GNPDA1: variants seen among roughly 807,000 people sequenced by gnomAD.
The protein encoded by GNPDA1 is GNPDA 1.
Under a neutral mutation model 28.5 loss-of-function variants are expected in GNPDA1, and 24 were observed. The observed-to-expected ratio is 0.84, with a 90% CI of 0.61 to 1.19. The LOEUF is 1.19. GNPDA1 is among the 50% of genes most tolerant of loss of function. The probability of loss-of-function intolerance (pLI) is 0.00; values close to 1 mark genes in which losing one functional copy is unlikely to be tolerated. For synonymous variants in GNPDA1, 147 were observed against 139.3 expected, an observed-to-expected ratio of 1.06 and a Z score of -0.39; for missense variants, 264 against 367.3, an observed-to-expected ratio of 0.72 and a Z score of 2.30.
intron 2 of GNPDA1, among the ~76,000 whole-genome samples, chr5:142,009,657 T>G (rs1005763735): frequency 6.6e-6 from 1 of 152,112 alleles, no homozygotes; most frequent in Non-Finnish European, 1.5e-5. Flanking sequence ...GCCTTAGCTA[T>G]GCCTGAGCCA....
chr5:142,011,030 C>G (rs1755939804), intron 2 of GNPDA1, among the ~76,000 whole-genome samples: 1 of 151,210 alleles, frequency 6.6e-6, no homozygotes, highest in South Asian at 2.1e-4. Context: ...TCACTGCAGC[C>G]TCAATCTACT....
At chr5:142,010,514 T>TCTTTCTTTCTTTC (rs58045980) in intron 2 of GNPDA1, among the ~76,000 whole-genome samples, 3 of 145,930 alleles carry the variant, frequency 2.1e-5, no homozygotes, top group African/African-American at 2.5e-5. Flanking sequence ...TTTCTTTCTT[T>TCTTTCTTTCTTTC]TTTTTTTTTT....
rs1418692581 is a variant in GNPDA1 at position 142,001,126 on chromosome 5, T to C, written c.*903A>G. ...CTAGGTAAGCAGGAGAGCGGGACAC[T>C]CAGGAGTTGTGACTAAACTCACACT... is the stretch of plus-strand genomic sequence containing the variant. On this transcript the variant is annotated 3_prime_UTR_variant, in exon 7 of 7. Transcript: ENST00000311337. 6.6e-6 allele frequency: 1 copy of C among 152,334 alleles called. No homozygotes were observed. Among genetic ancestry groups the C allele is most frequent in the Non-Finnish European group, 1.5e-5 (1 of 68,046 alleles). 9.4% of individuals were successfully genotyped at this position (152,334 alleles called of 1,614,324 possible). A position where few individuals can be genotyped will look rare whatever the true frequency, so the allele number is the denominator to read the frequency against.
chr5:142,009,274 C>A (rs1191916285), intron 2 of GNPDA1, among the ~76,000 whole-genome samples: 1 of 152,024 alleles, frequency 6.6e-6, no homozygotes, highest in Non-Finnish European at 1.5e-5. Context: ...CCAATAGCTT[C>A]TCATTTCACC....
chr5:142,004,871 A>T, intron 5 of GNPDA1, 61 bp downstream of exon 5: 1 of 1,157,776 alleles, frequency 8.6e-7, no homozygotes, highest in Non-Finnish European at 1.2e-6. Flanking sequence ...CAGTATAGTT[A>T]AGATTAACAA....
At chr5:142,011,287 CA>C in intron 2 of GNPDA1, among the ~76,000 whole-genome samples, 4 of 149,844 alleles carry the variant, frequency 2.7e-5, no homozygotes, top group Admixed American at 1.3e-4. Context: ...CTCCAACACA[CA>C]CACACACACA....
intron 2 of GNPDA1, 191 bp downstream of exon 2, chr5:142,011,721 A>T (rs1433514076): frequency 7.5e-6 from 4 of 530,806 alleles, no homozygotes; most frequent in African/African-American, 1.9e-5. Context: ...CTGCAGGGAC[A>T]GGCAGCGACT....
At chr5:142,007,100 T>G (rs1028684250) in intron 3 of GNPDA1, among the ~76,000 whole-genome samples, 3 of 152,166 alleles carry the variant, frequency 2.0e-5, no homozygotes, top group African/African-American at 7.2e-5. Flanking sequence ...AAGTTGTTGT[T>G]TCACGGGTAT....
intron 6 of GNPDA1, among the ~76,000 whole-genome samples, 162 bp from the exon 7 acceptor site, chr5:142,002,291 G>A (rs888900341): frequency 3.2e-4 from 48 of 152,130 alleles, no homozygotes; most frequent in African/African-American, 1.1e-3. Flanking sequence ...AGTATAAAAA[G>A]AGTTATTCAC....
Position 142,007,829 on chromosome 5 carries a change from C to T in GNPDA1, c.196G>A (p.Val66Met), listed in dbSNP as rs1755845515. 6.2e-7 allele frequency: 1 copy of T among 1,609,628 alleles called. No individual in the cohort carries two copies. Among genetic ancestry groups the T allele is most frequent in the Admixed American group, 1.7e-5 (1 of 60,000 alleles). The stretch of plus-strand genomic sequence containing the variant: ...TACTCATCCATGTTGAAGGTCTTCA[C>T]ATATTTAAAGGACAGGTCCCCATTC... ...YKNGDLSFKY[V>M]KTFNMDEYVG... Residue 66 changes from valine (V) to methionine (M), a missense_variant, in exon 3 of 7, where the codon GTG (valine) becomes ATG (methionine). Coordinates refer to ENST00000311337, the MANE Select transcript of GNPDA1 (RefSeq NM_005471.5).
chr5:142,005,623 A>G (rs981078431), intron 4 of GNPDA1, among the ~76,000 whole-genome samples: 7 of 152,120 alleles, frequency 4.6e-5, no homozygotes, highest in African/African-American at 1.7e-4. Context: ...TGATCTCTAG[A>G]GCAATAAAAG....
intron 1 of GNPDA1, chr5:142,012,250 G>A (rs1008734170): frequency 1.2e-5 from 5 of 433,012 alleles, no homozygotes; most frequent in Non-Finnish European, 2.1e-5. Flanking sequence ...GCGCCACTGG[G>A]GGCAGATCTG....
intron 5 of GNPDA1, 151 bp downstream of exon 5, chr5:142,004,781 G>C (rs907729802): frequency 2.4e-5 from 12 of 510,356 alleles, no homozygotes; most frequent in Non-Finnish European, 3.5e-5. Context: ...AGACGCAAGA[G>C]GAACAGTGAG....
At position 142,003,887 on chromosome 5, in the gene GNPDA1, ACTC is replaced by A. The variant is rs1223048861; in HGVS notation, c.595-628_595-626del. On this transcript the variant is annotated intron_variant, in intron 5 of 6. Coordinates refer to ENST00000311337, the MANE Select transcript of GNPDA1 (RefSeq NM_005471.5). The surrounding 1 kb of genome is among the most constrained non-coding windows in gnomAD (Gnocchi z 4.0). ...TCGAGAATGTAAGTGATCTTAAAGA[ACTC>A]AGCTCTATTCAAGGGCAGGAAAAGA... 6.6e-6 allele frequency among the ~76,000 whole-genome samples: 1 copy of A among 152,104 alleles called. No individual in the cohort carries two copies. Among genetic ancestry groups the A allele is most frequent in the Non-Finnish European group, 1.5e-5 (1 of 68,022 alleles).
chr5:142,009,141 A>C (rs149935053), intron 2 of GNPDA1, among the ~76,000 whole-genome samples: 1 of 152,358 alleles, frequency 6.6e-6, no homozygotes, highest in East Asian at 1.9e-4. Context: ...TGGTGAATTT[A>C]GGTGAATGGT....
rs1170473988 is a variant in GNPDA1, at chr5:142,006,215, T to C, written c.338A>G (p.Asp113Gly). ...NTHILDGNAVDLQAECDAFEE... is the reference protein window; with the variant it reads ...NTHILDGNAVGLQAECDAFEE... ...AAAGGCATCACATTCTGCCTGTAGGTCGACTGCATTCCCATCCAGAATGTG... is the reference window on the plus strand; with the variant it reads ...AAAGGCATCACATTCTGCCTGTAGGCCGACTGCATTCCCATCCAGAATGTG... Residue 113 changes from aspartate (D) to glycine (G), a missense_variant, in exon 4 of 7, where the codon GAC (aspartate) becomes GGC (glycine). Coordinates refer to ENST00000311337, the MANE Select transcript of GNPDA1 (RefSeq NM_005471.5). The C allele has an allele frequency of 2.1e-5, 34 of 1,613,970 alleles. No individual in the cohort carries two copies. The highest frequency in any genetic ancestry group is 2.6e-5 in the Non-Finnish European group (31 of 1,179,942).
chr5:142,011,195 C>T (rs1400509676), intron 2 of GNPDA1, among the ~76,000 whole-genome samples: 1 of 149,082 alleles, frequency 6.7e-6, no homozygotes, highest in South Asian at 2.1e-4. Context: ...ATATTTACTA[C>T]TGGCCATTTA....
chr5:142,007,824 C>G lies in GNPDA1; in HGVS notation c.201G>C (p.Lys67Asn), dbSNP rs1755845277. Reference protein sequence around the residue: ...KNGDLSFKYVKTFNMDEYVGL... With the variant: ...KNGDLSFKYVNTFNMDEYVGL... ...CCACGTACTCATCCATGTTGAAGGT[C>G]TTCACATATTTAAAGGACAGGTCCC... The change falls in exon 3 of 7, where the codon AAG becomes AAC. Residue 67 changes from lysine (K) to asparagine (N), a missense_variant. Lys to Asn is a moderately conservative substitution (Grantham distance 94). Transcript: ENST00000311337. The G allele has an allele frequency of 6.2e-7, 1 of 1,607,114 alleles. No homozygotes were observed. Among genetic ancestry groups the G allele is most frequent in the Non-Finnish European group, 8.5e-7 (1 of 1,173,770 alleles).
chr5:142,006,815 G>T (rs931595186), intron 3 of GNPDA1, among the ~76,000 whole-genome samples: 6 of 148,562 alleles, frequency 4.0e-5, no homozygotes, highest in Non-Finnish European at 8.9e-5. Flanking sequence ...GGCTTCCCCA[G>T]ATCAACTTTT....
Sources: gnomAD v4.1 joint callset for allele counts (sites outside exome capture counted in the v4.1 genomes callset) on GRCh38, gnomAD v4.1.1 for gene constraint, Gnocchi (gnomAD v3.1) non-coding constraint, MANE v1.5 for transcripts, NCBI Gene and HGNC (gene_info 2026-07-23, HGNC 2026-07-21) for gene names.